ANHX: variants seen among roughly 807,000 people sequenced by gnomAD.
ANHX encodes anomalous homeobox protein.
A neutral mutation model predicts 38.9 loss-of-function variants in ANHX; 20 were observed. The observed-to-expected ratio is 0.51, with a 90% CI of 0.36 to 0.75. The LOEUF is 0.75. ANHX is among the 30% of genes least tolerant of loss of function. The pLI, the probability that ANHX is intolerant of heterozygous loss-of-function variation, is 0.00. For synonymous variants in ANHX, 185 were observed against 203.1 expected, an observed-to-expected ratio of 0.91 and a Z score of 0.76; for missense variants, 475 against 493.1, an observed-to-expected ratio of 0.96 and a Z score of 0.35.
Position 133,227,926 on chromosome 12 carries a change from G to C in ANHX, c.399C>G (p.Leu133=). ...TCCGGCTCTTCAGCCCCTCTGGGCA[G>C]AGGGAGGGGGGCGGGGGGTTCCTGG... ...CRKRNPPPPS[L]CPEGLKSRNF... The change falls in exon 4 of 10, where the codon CTC becomes CTG. Residue 133 remains leucine, a synonymous_variant. Transcript: ENST00000545940. The C allele has an allele frequency of 1.2e-6, 1 of 804,458 alleles. No homozygotes were observed. The highest frequency in any genetic ancestry group is 5.3e-5 in the East Asian group (1 of 18,876). 49.8% of individuals were successfully genotyped at this position (804,458 alleles called of 1,614,324 possible). A position where few individuals can be genotyped will look rare whatever the true frequency, so the allele number is the denominator to read the frequency against.
chr12:133,223,127 T>C (rs1211374445), intron 7 of ANHX, among the ~76,000 whole-genome samples: 1 of 151,874 alleles, frequency 6.6e-6, no homozygotes, highest in Non-Finnish European at 1.5e-5. Context: ...AGGCAGACAT[T>C]TCAGTGAGCC....
At chr12:133,219,943 C>T (rs1957086373) in intron 8 of ANHX, among the ~76,000 whole-genome samples, 1 of 152,174 alleles carries the variant, frequency 6.6e-6, no homozygotes, top group African/African-American at 2.4e-5. Context: ...GCATCCAAAA[C>T]ATGGTGACTC....
intron 7 of ANHX, among the ~76,000 whole-genome samples, chr12:133,224,886 G>C (rs991208116): frequency 4.0e-5 from 6 of 148,716 alleles, no homozygotes; most frequent in African/African-American, 1.5e-4. Flanking sequence ...AGAATGGCGT[G>C]AACCTGGGAG....
chr12:133,234,288 G>A lies in ANHX; in HGVS notation c.69C>T (p.Thr23=), dbSNP rs566447927. The A allele has an allele frequency of 9.8e-6, 15 of 1,536,146 alleles. No homozygotes were observed. In the African/African-American group the frequency reaches 1.9e-4, roughly 20 times the overall value. ...AGTCCCGGCACAGTCTGCCCGCAAG[G>A]GTCACCAGCTCCGCCGGGGGTGCAC... The part of the protein sequence containing the change: ...DTCAPPAELV[T]LAGRLCRDFQ... Residue 23 remains threonine (T), a synonymous_variant, in exon 2 of 10, where the codon ACC becomes ACT. Coordinates refer to ENST00000545940, the MANE Select transcript of ANHX (RefSeq NM_001372060.1).
chr12:133,227,392 A>T (rs1322325196), intron 4 of ANHX, among the ~76,000 whole-genome samples: 1 of 152,222 alleles, frequency 6.6e-6, no homozygotes, highest in Admixed American at 6.5e-5. Flanking sequence ...CCACATGTGC[A>T]CGTCCCCCTG....
chr12:133,224,433 G>A (rs551301259), intron 7 of ANHX, among the ~76,000 whole-genome samples: 60 of 151,758 alleles, frequency 4.0e-4, no homozygotes, highest in Non-Finnish European at 7.1e-4. Context: ...AGGCTGAGGC[G>A]GGTGGATCCC....
intron 7 of ANHX, among the ~76,000 whole-genome samples, chr12:133,222,852 G>A (rs1957129778): frequency 6.6e-6 from 1 of 152,194 alleles, no homozygotes; most frequent in South Asian, 2.1e-4. Flanking sequence ...TATGAAGGAA[G>A]AAGAGTTCAG....
Position 133,221,741 on chromosome 12 carries a change from C to A in ANHX, c.1133-389G>T, listed in dbSNP as rs1593955338. On this transcript the variant is annotated intron_variant, in intron 7 of 9. Transcript: ENST00000545940. This position sits in a 1 kb window ranked among gnomAD's most constrained non-coding sequence, Gnocchi z 4.1. Reference sequence around the variant, plus strand: ...GGTTCACGGAGTGCTTGGCCACCAGCCCTTGGTGGTTTCCACTTTTACCTC... The same window carrying A: ...GGTTCACGGAGTGCTTGGCCACCAGACCTTGGTGGTTTCCACTTTTACCTC... Among the ~76,000 whole-genome samples, 1 of 152,164 alleles carries A rather than the reference C, an allele frequency of 6.6e-6. No homozygotes were observed. The highest frequency in any genetic ancestry group is 1.5e-5 in the Non-Finnish European group (1 of 68,036).
chr12:133,219,154 T>C (rs886518600), intron 9 of ANHX, 129 bp downstream of exon 9: 18 of 1,043,884 alleles, frequency 1.7e-5, no homozygotes, highest in Non-Finnish European at 2.0e-5. Context: ...CCACAAATCA[T>C]CTTTGCCCCT....
Position 133,218,982 on chromosome 12 carries a change from A to T in ANHX, c.1366-11T>A. 1 of 1,530,972 alleles carries T rather than the reference A, an allele frequency of 6.5e-7. No homozygotes were observed. Among genetic ancestry groups the T allele is most frequent in the Non-Finnish European group, 8.7e-7 (1 of 1,143,168 alleles). The allele number at this position is 1,530,972 out of a possible 1,614,324, so 94.8% of individuals were successfully genotyped here. A position where few individuals can be genotyped will look rare whatever the true frequency, so the allele number is the denominator to read the frequency against. Reference sequence around the variant, plus strand: ...ATCAGAACACTGCACCTGGAAGACAACACAGTGGTAAACACAGAGGCTTCC... The same window carrying T: ...ATCAGAACACTGCACCTGGAAGACATCACAGTGGTAAACACAGAGGCTTCC... On this transcript the variant is annotated splice_polypyrimidine_tract_variant and intron_variant, in intron 9 of 9. Coordinates refer to ENST00000545940, the MANE Select transcript of ANHX (RefSeq NM_001372060.1).
At chr12:133,230,914 C>T (rs1030586261) in intron 3 of ANHX, among the ~76,000 whole-genome samples, 1 of 152,168 alleles carries the variant, frequency 6.6e-6, no homozygotes, top group African/African-American at 2.4e-5. Context: ...TTACTAGTAA[C>T]ATTTATTTAG....
chr12:133,235,257 G>A (rs1368391854), intron 1 of ANHX: 2 of 152,210 alleles, frequency 1.3e-5, no homozygotes, highest in Non-Finnish European at 2.9e-5. Flanking sequence ...GAGGGCAGAG[G>A]AGGCTCCCAG....
intron 7 of ANHX, among the ~76,000 whole-genome samples, chr12:133,223,189 C>A (rs1957134279): frequency 6.7e-6 from 1 of 148,358 alleles, no homozygotes; most frequent in African/African-American, 2.5e-5. Flanking sequence ...AACTCCGCCT[C>A]AAAAAAAAAT....
At chr12:133,231,193 G>C (rs1242118119) in intron 3 of ANHX, among the ~76,000 whole-genome samples, 2 of 152,150 alleles carry the variant, frequency 1.3e-5, no homozygotes, top group African/African-American at 4.8e-5. Flanking sequence ...GCCAGTCCCT[G>C]GGTGGATGCT....
intron 2 of ANHX, among the ~76,000 whole-genome samples, chr12:133,233,639 A>C (rs1017334340): frequency 2.0e-4 from 30 of 152,236 alleles, no homozygotes; most frequent in African/African-American, 7.0e-4. Flanking sequence ...AAATAGCTTC[A>C]GATCAGCACA....
Position 133,218,798 on chromosome 12 carries a change from G to C in ANHX, c.*87C>G. ...TCTGGGGACCTTCATTTTGTATTCA[G>C]GATAAAGCTCTGTAACTCCTTGTGT... On this transcript the variant is annotated 3_prime_UTR_variant, in exon 10 of 10. Coordinates refer to ENST00000545940, the MANE Select transcript of ANHX (RefSeq NM_001372060.1). The C allele has an allele frequency of 1.9e-6, 2 of 1,039,102 alleles. No individual in the cohort carries two copies. Among genetic ancestry groups the C allele is most frequent in the South Asian group, 2.1e-5 (1 of 47,268 alleles). 64.4% of individuals were successfully genotyped at this position (1,039,102 alleles called of 1,614,324 possible).
At chr12:133,227,968 G>A (rs1179881937) in intron 3 of ANHX, 21 bp from the exon 4 acceptor site, 2 of 1,534,518 alleles carry the variant, frequency 1.3e-6, no homozygotes, top group East Asian at 4.9e-5. Context: ...ACAGTGAGGA[G>A]GTGGTAACAG....
chr12:133,226,362 C>A lies in ANHX; in HGVS notation c.795G>T (p.Pro265=). ...AGACTGTCTCATCTGCGGGAAAGTC[C>A]GGGGCTAAGGCCAGTGGCTCCCATG... is the stretch of plus-strand genomic sequence containing the variant. ...QGPWEPLALA[P]DFPADETVSK... The change falls in exon 6 of 10, where the codon CCG becomes CCT. Residue 265 remains proline, a synonymous_variant. Transcript: ENST00000545940. 1 of 1,536,228 alleles carries A rather than the reference C, an allele frequency of 6.5e-7. No homozygotes were observed. Among genetic ancestry groups the A allele is most frequent in the Non-Finnish European group, 8.7e-7 (1 of 1,146,908 alleles).
At chr12:133,235,519 C>CCGAA (rs1190004143) in intron 1 of ANHX, 11 of 149,168 alleles carry the variant, frequency 7.4e-5, no homozygotes, top group African/African-American at 2.7e-4. Context: ...CCTGCGGAGG[C>CCGAA]CGAAATTCCT....
Sources: gnomAD v4.1 joint callset for allele counts (sites outside exome capture counted in the v4.1 genomes callset) on GRCh38, gnomAD v4.1.1 for gene constraint, Gnocchi (gnomAD v3.1) non-coding constraint, MANE v1.5 for transcripts, NCBI Gene and HGNC (gene_info 2026-07-23, HGNC 2026-07-21) for gene names.